Variants in FRMD4A observed in about 807,000 individuals in gnomAD.
The protein encoded by FRMD4A is FERM domain containing 4A.
In FRMD4A, 29 loss-of-function variants were observed where a neutral mutation model predicts 129.1. The observed-to-expected ratio is 0.22, with a 90% confidence interval of 0.17 to 0.31. The LOEUF (loss-of-function observed/expected upper bound fraction) is 0.31. FRMD4A is among the 10% of genes least tolerant of loss of function. FRMD4A has a pLI of 1.00. For synonymous variants in FRMD4A, 634 were observed against 571.6 expected (o/e 1.11, Z -1.56); for missense variants, 1,272 against 1,375.8 (o/e 0.92, Z 1.19).
intron 2 of FRMD4A, among the ~76,000 whole-genome samples, chr10:14,105,642 T>A (rs1161690027): frequency 6.6e-6 from 1 of 152,186 alleles, no homozygotes; most frequent in Non-Finnish European, 1.5e-5. Context: ...CTTTCCTAAT[T>A]GTGTGTGTGT....
At chr10:13,993,287 T>C (rs1481630521) in intron 2 of FRMD4A, among the ~76,000 whole-genome samples, 2 of 152,144 alleles carry the variant, frequency 1.3e-5, no homozygotes, top group African/African-American at 4.8e-5. Flanking sequence ...TTCCTCAGGG[T>C]TTAGCCAACG....
Position 13,693,701 on chromosome 10 carries a change from T to TTC in FRMD4A, c.1117+196_1117+197insGA, listed in dbSNP as rs1554846917. 7.1e-6 allele frequency: 5 copies of TTC among 700,294 alleles called. No individual in the cohort carries two copies. In the African/African-American group the frequency reaches 7.3e-5, roughly 10 times the overall value. 43.4% of individuals were successfully genotyped at this position (700,294 alleles called of 1,614,324 possible). ...CTACTGATGCTTTTTTTTTTTTTTT[T>TTC]CCCTTCCACTATTTGATTCCTGGGA... On this transcript the variant is annotated intron_variant, in intron 15 of 24. Transcript: ENST00000357447.
chr10:13,923,860 A>G (rs2797861), intron 2 of FRMD4A, among the ~76,000 whole-genome samples: 111,081 of 152,120 alleles, frequency 0.73, 41,028 homozygotes, highest in East Asian at 0.93. Context: ...TGGAGAGGTG[A>G]ACATGGCACC....
At chr10:13,705,026 A>G (rs1165632138) in intron 13 of FRMD4A, among the ~76,000 whole-genome samples, 1 of 152,116 alleles carries the variant, frequency 6.6e-6, no homozygotes, top group African/African-American at 2.4e-5. Context: ...GTGAGCTATG[A>G]TTGCACCACT....
At chr10:13,752,499 AT>A (rs2091675897) in intron 8 of FRMD4A, among the ~76,000 whole-genome samples, 1 of 152,204 alleles carries the variant, frequency 6.6e-6, no homozygotes, top group Admixed American at 6.5e-5. Flanking sequence ...GATGTATGTA[AT>A]TTGTGGGAGA....
chr10:14,313,936 T>C (rs1422812610), intron 2 of FRMD4A, among the ~76,000 whole-genome samples: 1 of 152,230 alleles, frequency 6.6e-6, no homozygotes, highest in Non-Finnish European at 1.5e-5. Context: ...CCAGCCTCCA[T>C]GATAACTGCC....
chr10:13,686,837 G>C (rs1413543594), intron 15 of FRMD4A, among the ~76,000 whole-genome samples: 1 of 152,176 alleles, frequency 6.6e-6, no homozygotes, highest in Non-Finnish European at 1.5e-5. Context: ...TCTCATTTAA[G>C]AAATGCTGCA....
chr10:13,834,365 TCTC>T (rs2093840268), intron 3 of FRMD4A, among the ~76,000 whole-genome samples: 1 of 151,842 alleles, frequency 6.6e-6, no homozygotes, highest in Non-Finnish European at 1.5e-5. Context: ...CCTAACCAGT[TCTC>T]CTAAGAAACC....
intron 3 of FRMD4A, among the ~76,000 whole-genome samples, chr10:13,814,580 C>CA (rs553044764): frequency 0.031 from 1,302 of 41,444 alleles, 128 homozygotes; most frequent in African/African-American, 0.049. Flanking sequence ...GACCCTGTTT[C>CA]AAAAAAAAAA....
At chr10:13,987,957 A>C (rs1160831251) in intron 2 of FRMD4A, among the ~76,000 whole-genome samples, 1 of 152,212 alleles carries the variant, frequency 6.6e-6, no homozygotes, top group Non-Finnish European at 1.5e-5. Flanking sequence ...ATCGTGGCCA[A>C]AAAATAAACA....
At chr10:14,230,816 T>C (rs1843614118) in intron 2 of FRMD4A, among the ~76,000 whole-genome samples, 1 of 152,216 alleles carries the variant, frequency 6.6e-6, no homozygotes, top group South Asian at 2.1e-4. Context: ...CTGGTGTCTG[T>C]TGTTCCCTTC....
chr10:14,219,983 A>G (rs1432305793), intron 2 of FRMD4A, among the ~76,000 whole-genome samples: 19 of 152,130 alleles, frequency 1.2e-4, no homozygotes, highest in Admixed American at 1.2e-3. Context: ...TTCCCTATCT[A>G]TTGCGAATGG....
intron 2 of FRMD4A, among the ~76,000 whole-genome samples, chr10:14,112,344 T>C (rs900865685): frequency 2.0e-5 from 3 of 152,082 alleles, no homozygotes; most frequent in Non-Finnish European, 4.4e-5. Flanking sequence ...GTGTGCCTGA[T>C]GGAGGAGCAC....
chr10:14,018,562 T>C (rs902302816), intron 2 of FRMD4A, among the ~76,000 whole-genome samples: 1 of 152,100 alleles, frequency 6.6e-6, no homozygotes, highest in Non-Finnish European at 1.5e-5. Flanking sequence ...GGGAGCCATT[T>C]TAAGTTACTT....
intron 3 of FRMD4A, among the ~76,000 whole-genome samples, chr10:13,825,363 T>C (rs1196929441): frequency 6.6e-6 from 1 of 152,194 alleles, no homozygotes; most frequent in Non-Finnish European, 1.5e-5. Flanking sequence ...AGACCAGTAC[T>C]GGTCCGTGGC....
chr10:13,681,967 C>T (rs1042247441), intron 15 of FRMD4A, among the ~76,000 whole-genome samples: 1 of 151,986 alleles, frequency 6.6e-6, no homozygotes, highest in African/African-American at 2.4e-5. Flanking sequence ...ACCTATAATC[C>T]CAGCACTTTT....
At chr10:14,022,523 A>C (rs935743965) in intron 2 of FRMD4A, among the ~76,000 whole-genome samples, 1 of 152,212 alleles carries the variant, frequency 6.6e-6, no homozygotes, top group Admixed American at 6.5e-5. Flanking sequence ...CATAATGTTA[A>C]ATGTGATTTA....
chr10:13,987,749 A>G (rs2095586977), intron 2 of FRMD4A, among the ~76,000 whole-genome samples: 2 of 152,240 alleles, frequency 1.3e-5, no homozygotes, highest in Non-Finnish European at 2.9e-5. Context: ...CGATGCACAA[A>G]GAACACAAAT....
intron 2 of FRMD4A, among the ~76,000 whole-genome samples, chr10:14,317,941 G>A (rs1175841423): frequency 6.6e-6 from 1 of 152,116 alleles, no homozygotes; most frequent in Non-Finnish European, 1.5e-5. Flanking sequence ...ATAAAAGGAT[G>A]TACACTCAAA....
Sources: allele counts gnomAD v4.1 joint callset (sites outside exome capture counted in the v4.1 genomes callset), GRCh38; gene constraint gnomAD v4.1.1; transcripts MANE v1.5; gene names NCBI Gene and HGNC (gene_info 2026-07-23, HGNC 2026-07-21).